The following CNBD1 variants were observed in gnomAD, a reference collection of about 807,000 sequenced individuals.
CNBD1 encodes the protein cyclic nucleotide binding domain containing 1, also known as cyclic nucleotide-binding domain-containing protein 1.
A neutral mutation model predicts 54.4 loss-of-function variants in CNBD1; 71 were observed. That is an observed-to-expected ratio of 1.30 (90% confidence interval 1.08 to 1.59). The LOEUF (loss-of-function observed/expected upper bound fraction) is 1.59. Ranked by LOEUF, CNBD1 falls within the 40% of genes most tolerant of loss-of-function variation. The probability of loss-of-function intolerance (pLI) is 0.00; values close to 1 mark genes in which losing one functional copy is unlikely to be tolerated. For missense variants in CNBD1, 659 were observed against 518.0 expected, an observed-to-expected ratio of 1.27 and a Z score of -2.64; for synonymous variants, 182 against 170.7, an observed-to-expected ratio of 1.07 and a Z score of -0.51.
intron 3 of CNBD1, among the ~76,000 whole-genome samples, chr8:86,932,510 A>G (rs928087567): frequency 3.3e-5 from 5 of 152,174 alleles, no homozygotes; most frequent in African/African-American, 9.7e-5. Flanking sequence ...TGGGATGTAG[A>G]TTGCAAACTT....
rs180785238 is a variant in CNBD1, at chr8:87,109,398, T to C, written c.432-96595T>C. ...CTTTGGCTAAGATACGGAAATAATA[T>C]ATATTTATTAATACCTGATGGCATA... On this transcript the variant is annotated intron_variant, in intron 4 of 10. Coordinates refer to ENST00000518476, the MANE Select transcript of CNBD1 (RefSeq NM_173538.3). Among the ~76,000 whole-genome samples the C allele has an allele frequency of 2.0e-5, 3 of 152,232 alleles. No individual in the cohort carries two copies. The East Asian group carries it at 5.8e-4, about 29-fold the overall frequency.
intron 7 of CNBD1, 136 bp downstream of exon 7, chr8:87,284,951 A>G: frequency 1.6e-6 from 1 of 630,852 alleles, no homozygotes; most frequent in South Asian, 3.2e-5. Context: ...TAAAAATGTT[A>G]TTTGACAAAA....
intron 2 of CNBD1, among the ~76,000 whole-genome samples, chr8:87,427,108 C>T (rs1328445717): frequency 6.6e-6 from 1 of 151,994 alleles, no homozygotes; most frequent in African/African-American, 2.4e-5. Flanking sequence ...AAGGACCTCG[C>T]AGTTCCCCCT....
chr8:87,231,972 C>T (rs748141876), intron 5 of CNBD1, among the ~76,000 whole-genome samples: 1 of 152,060 alleles, frequency 6.6e-6, no homozygotes, highest in Non-Finnish European at 1.5e-5. Flanking sequence ...TTTTTAAATT[C>T]TCACTATGAA....
At chr8:87,375,593 A>G (rs1329265791) in intron 10 of CNBD1, among the ~76,000 whole-genome samples, 1 of 151,878 alleles carries the variant, frequency 6.6e-6, no homozygotes, top group African/African-American at 2.4e-5. Flanking sequence ...AGGCTATCAT[A>G]GGAACCGAAT....
intron 6 of CNBD1, among the ~76,000 whole-genome samples, chr8:87,280,865 G>T (rs1436944483): frequency 6.6e-6 from 1 of 151,272 alleles, no homozygotes; most frequent in Non-Finnish European, 1.5e-5. Flanking sequence ...TTATTTTTCA[G>T]TAAAATAACA....
chr8:87,126,498 T>C (rs1803065542), intron 4 of CNBD1, among the ~76,000 whole-genome samples: 2 of 152,040 alleles, frequency 1.3e-5, no homozygotes, highest in African/African-American at 2.4e-5. Context: ...TTTTAAACTG[T>C]TTTTTAAATT....
chr8:87,174,194 G>A lies in CNBD1; in HGVS notation c.432-31799G>A, dbSNP rs1000848390. 1.4e-4 allele frequency among the ~76,000 whole-genome samples: 22 copies of A among 152,060 alleles called. 1 individual carries two copies. Among genetic ancestry groups the A allele is most frequent in the African/African-American group, 4.1e-4 (17 of 41,504 alleles). On this transcript the variant is annotated intron_variant, in intron 4 of 10. Coordinates refer to ENST00000518476, the MANE Select transcript of CNBD1 (RefSeq NM_173538.3). ...TGGATGGTCTCGATCTCTTGACCTC[G>A]TTATCTGCCCGCCTCGGCCTCCCAA...
chr8:87,151,914 T>G (rs1304007935), intron 4 of CNBD1, among the ~76,000 whole-genome samples: 1 of 152,256 alleles, frequency 6.6e-6, no homozygotes, highest in South Asian at 2.1e-4. Flanking sequence ...AAATTTTTGA[T>G]ACTTTAAAAG....
At chr8:87,175,362 T>C (rs1813175613) in intron 4 of CNBD1, among the ~76,000 whole-genome samples, 1 of 152,182 alleles carries the variant, frequency 6.6e-6, no homozygotes, top group South Asian at 2.1e-4. Flanking sequence ...TTATCTGAAG[T>C]CAGCACATCT....
chr8:87,307,875 CA>C (rs1586000295), intron 8 of CNBD1, among the ~76,000 whole-genome samples: 1 of 151,636 alleles, frequency 6.6e-6, no homozygotes, highest in Non-Finnish European at 1.5e-5. Flanking sequence ...TAACAATAAA[CA>C]AAATAATTTA....
At chr8:87,223,032 G>T (rs948677448) in intron 5 of CNBD1, among the ~76,000 whole-genome samples, 18 of 141,356 alleles carry the variant, frequency 1.3e-4, no homozygotes, top group African/African-American at 4.2e-4. Flanking sequence ...AATCAGTATT[G>T]TTTCCTTATT....
chr8:87,028,937 CCTTT>C (rs1809717045), intron 4 of CNBD1, among the ~76,000 whole-genome samples: 1 of 152,202 alleles, frequency 6.6e-6, no homozygotes. Flanking sequence ...TTCTCTACAT[CCTTT>C]CTAACACTTG....
intron 6 of CNBD1, among the ~76,000 whole-genome samples, chr8:87,255,321 C>A (rs192332884): frequency 6.6e-6 from 1 of 152,024 alleles, no homozygotes; most frequent in South Asian, 2.1e-4. Flanking sequence ...TAAATAAACT[C>A]TCTGCATGTA....
At chr8:87,095,818 T>C (rs1217317803) in intron 4 of CNBD1, among the ~76,000 whole-genome samples, 2 of 152,142 alleles carry the variant, frequency 1.3e-5, no homozygotes, top group Non-Finnish European at 1.5e-5. Context: ...CCACCACACC[T>C]GGCTATTTTT....
chr8:87,267,023 A>G (rs1289425124), intron 6 of CNBD1, among the ~76,000 whole-genome samples: 2 of 151,872 alleles, frequency 1.3e-5, no homozygotes, highest in East Asian at 3.9e-4. Context: ...CCTGTTTAAA[A>G]TCAGCAGCCA....
At chr8:87,418,351 T>C (rs1380778861) in intron 2 of CNBD1, among the ~76,000 whole-genome samples, 5 of 151,888 alleles carry the variant, frequency 3.3e-5, no homozygotes, top group African/African-American at 4.8e-5. Flanking sequence ...TCTTATACCA[T>C]GTAAAAAATT....
At chr8:87,346,914 G>T (rs1174418378) in intron 8 of CNBD1, among the ~76,000 whole-genome samples, 2 of 152,162 alleles carry the variant, frequency 1.3e-5, no homozygotes, top group Non-Finnish European at 2.9e-5. Flanking sequence ...AATATCATGA[G>T]TGAGAAATTT....
intron 2 of CNBD1, among the ~76,000 whole-genome samples, chr8:87,414,510 C>T (rs1165703032): frequency 6.6e-6 from 1 of 151,998 alleles, no homozygotes; most frequent in Non-Finnish European, 1.5e-5. Flanking sequence ...TACCCTAAAA[C>T]TTAAAGTATA....
Sources: allele counts gnomAD v4.1 joint callset (sites outside exome capture counted in the v4.1 genomes callset), GRCh38; gene constraint gnomAD v4.1.1; transcripts MANE v1.5; gene names NCBI Gene and HGNC (gene_info 2026-07-23, HGNC 2026-07-21).